SRGAP1: variants seen among roughly 807,000 people sequenced by gnomAD.
The protein encoded by SRGAP1 is SLIT-ROBO Rho GTPase-activating protein 1.
Under a neutral mutation model 121.9 loss-of-function variants are expected in SRGAP1, and 43 were observed. That is an observed-to-expected ratio of 0.35 (90% CI 0.28 to 0.46). The LOEUF (loss-of-function observed/expected upper bound fraction) is 0.46, where lower values mean the gene tolerates loss of function less well. SRGAP1 is among the 20% of genes least tolerant of loss of function. SRGAP1 has a pLI of 1.00. For missense variants in SRGAP1, 1,102 were observed against 1,350.9 expected (o/e 0.82, Z 2.89); for synonymous variants, 447 against 485.4 (o/e 0.92, Z 1.04).
intron 1 of SRGAP1, among the ~76,000 whole-genome samples, chr12:63,952,008 G>T (rs1592976450): frequency 6.6e-6 from 1 of 152,166 alleles, no homozygotes; most frequent in South Asian, 2.1e-4. Context: ...GAGTAGGAAG[G>T]GGTCAGCTTC....
Position 63,932,968 on chromosome 12 carries a change from T to C in SRGAP1, c.68-50979T>C, listed in dbSNP as rs528479221. Among the ~76,000 whole-genome samples, 10 of 152,238 alleles carry C rather than the reference T, an allele frequency of 6.6e-5. No individual in the cohort carries two copies. The South Asian group carries it at 1.9e-3, about 28-fold the overall frequency. ...ACTTTGGGAGGCCAAGGTGGGCAGATCATGAGATCAAGAGATTGTGACCAT... is the reference window on the plus strand; with the variant it reads ...ACTTTGGGAGGCCAAGGTGGGCAGACCATGAGATCAAGAGATTGTGACCAT... On this transcript the variant is annotated intron_variant, in intron 1 of 21. Coordinates refer to ENST00000355086, the MANE Select transcript of SRGAP1 (RefSeq NM_020762.4).
intron 3 of SRGAP1, among the ~76,000 whole-genome samples, chr12:64,002,448 ATAAC>A (rs765107455): frequency 1.4e-4 from 21 of 152,204 alleles, no homozygotes; most frequent in Non-Finnish European, 2.8e-4. Context: ...GTAGATTAGA[ATAAC>A]TAAAGCCCCA....
intron 4 of SRGAP1, among the ~76,000 whole-genome samples, chr12:64,020,793 A>C (rs886377780): frequency 1.3e-5 from 2 of 148,612 alleles, no homozygotes; most frequent in East Asian, 4.0e-4. Context: ...CAGTGAGCCA[A>C]GATTGTGCCA....
chr12:64,024,711 G>A (rs1401028657), intron 4 of SRGAP1, among the ~76,000 whole-genome samples: 1 of 152,138 alleles, frequency 6.6e-6, no homozygotes, highest in Non-Finnish European at 1.5e-5. Context: ...AGGTTTAATT[G>A]ACTCAGCTCC....
At chr12:63,935,384 CA>C (rs1190482082) in intron 1 of SRGAP1, among the ~76,000 whole-genome samples, 1 of 151,934 alleles carries the variant, frequency 6.6e-6, no homozygotes, top group African/African-American at 2.4e-5. Flanking sequence ...CCACTTACTC[CA>C]ACACTTTGAA....
chr12:64,107,394 C>T (rs935740742), intron 15 of SRGAP1, among the ~76,000 whole-genome samples: 6 of 152,002 alleles, frequency 3.9e-5, no homozygotes, highest in South Asian at 4.1e-4. Flanking sequence ...CAAGAGGAAT[C>T]GGAAAGGGAA....
chr12:63,878,222 A>G (rs918945139), intron 1 of SRGAP1, among the ~76,000 whole-genome samples: 1 of 152,230 alleles, frequency 6.6e-6, no homozygotes, highest in Non-Finnish European at 1.5e-5. Flanking sequence ...AGAGTCAGCA[A>G]ACTTTTTCTG....
intron 8 of SRGAP1, among the ~76,000 whole-genome samples, chr12:64,075,014 G>A (rs1202035952): frequency 4.6e-5 from 7 of 151,488 alleles, no homozygotes; most frequent in South Asian, 2.1e-4. Context: ...TGAGTCTGCC[G>A]AGACCACCTC....
chr12:64,038,883 A>G (rs2034952864), intron 4 of SRGAP1: 1 of 152,234 alleles, frequency 6.6e-6, no homozygotes, highest in Non-Finnish European at 1.5e-5. Flanking sequence ...CTGTCAGGTC[A>G]TTTGGTATGC....
At position 64,142,360 on chromosome 12, in the gene SRGAP1, A is replaced by G; in HGVS notation, c.2946A>G (p.Ala982=). The change falls in exon 22 of 22, where the codon GCA becomes GCG. Residue 982 remains alanine (A), a synonymous_variant. Coordinates refer to ENST00000355086, the MANE Select transcript of SRGAP1 (RefSeq NM_020762.4). The stretch of plus-strand genomic sequence containing the variant: ...GAGAACTGGAGAGACAGAGCACAGC[A>G]AAGCATGCCCCTGATGTGGTGCTGG... ...ELRELERQST[A]KHAPDVVLDT... is the part of the protein sequence containing the mutation. 6.2e-7 allele frequency: 1 copy of G among 1,614,148 alleles called. No homozygotes were observed. Among genetic ancestry groups the G allele is most frequent in the African/African-American group, 1.3e-5 (1 of 75,016 alleles).
intron 4 of SRGAP1, among the ~76,000 whole-genome samples, chr12:64,023,122 A>T (rs2034584416): frequency 6.6e-6 from 1 of 151,368 alleles, no homozygotes; most frequent in Non-Finnish European, 1.5e-5. Flanking sequence ...TGCAGATATC[A>T]GGAATGATTT....
At chr12:64,112,265 T>C (rs1486072092) in intron 17 of SRGAP1, among the ~76,000 whole-genome samples, 2 of 152,218 alleles carry the variant, frequency 1.3e-5, no homozygotes, top group South Asian at 2.1e-4. Context: ...CTATGTTAAC[T>C]TTTATCATTA....
chr12:64,023,255 T>TTGA (rs1261490861), intron 4 of SRGAP1, among the ~76,000 whole-genome samples: 2 of 145,550 alleles, frequency 1.4e-5, no homozygotes, highest in African/African-American at 2.5e-5. Flanking sequence ...AGAAACTACG[T>TTGA]TGATAGTAAA....
At chr12:63,888,219 A>T (rs142361330) in intron 1 of SRGAP1, 1 of 152,210 alleles carries the variant, frequency 6.6e-6, no homozygotes, top group South Asian at 2.1e-4. Context: ...GGGAGCTGCT[A>T]GGTCTTTAAC....
intron 4 of SRGAP1, among the ~76,000 whole-genome samples, chr12:64,019,327 C>G (rs184882305): frequency 3.0e-4 from 45 of 152,204 alleles, no homozygotes; most frequent in African/African-American, 1.0e-3. Flanking sequence ...GCCTGAAAGC[C>G]TGAAAGAGTC....
At chr12:64,069,442 GTTTTA>G (rs1403504700) in intron 8 of SRGAP1, among the ~76,000 whole-genome samples, 1 of 152,124 alleles carries the variant, frequency 6.6e-6, no homozygotes, top group Non-Finnish European at 1.5e-5. Flanking sequence ...TGAGGTTTGA[GTTTTA>G]TTTTATGCTG....
intron 1 of SRGAP1, among the ~76,000 whole-genome samples, chr12:63,924,741 G>C (rs2031193809): frequency 6.6e-6 from 1 of 152,106 alleles, no homozygotes; most frequent in African/African-American, 2.4e-5. Flanking sequence ...CATTCTCTCA[G>C]GGGTTACTTG....
chr12:64,009,016 T>C (rs2034174015), intron 3 of SRGAP1, among the ~76,000 whole-genome samples: 1 of 152,118 alleles, frequency 6.6e-6, no homozygotes, highest in African/African-American at 2.4e-5. Context: ...TCTCTCACAA[T>C]TATGGCTGTC....
At chr12:63,886,474 T>G (rs1900386924) in intron 1 of SRGAP1, among the ~76,000 whole-genome samples, 1 of 149,252 alleles carries the variant, frequency 6.7e-6, no homozygotes, top group African/African-American at 2.6e-5. Flanking sequence ...ATGAACCATT[T>G]TATGTACTTA....
Sources: gnomAD v4.1 joint callset for allele counts (sites outside exome capture counted in the v4.1 genomes callset) on GRCh38, gnomAD v4.1.1 for gene constraint, MANE v1.5 for transcripts, NCBI Gene and HGNC (gene_info 2026-07-23, HGNC 2026-07-21) for gene names.